Variants in FAM209B observed in about 807,000 individuals in gnomAD.
FAM209B encodes protein FAM209B.
FAM209B carries 8 observed loss-of-function variants against 8.9 expected under a neutral mutation model. The observed-to-expected ratio is 0.90, with a 90% CI of 0.53 to 1.62. The LOEUF is 1.62. FAM209B is among the 40% of genes most tolerant of loss of function. The pLI is 0.00. For synonymous variants in FAM209B, 67 were observed against 75.0 expected, an observed-to-expected ratio of 0.89 and a Z score of 0.55; for missense variants, 175 against 205.3, an observed-to-expected ratio of 0.85 and a Z score of 0.90.
In FAM209B at chr20:56,536,409, A is replaced by C; in HGVS notation, c.487A>C (p.Lys163Gln). The stretch of plus-strand genomic sequence containing the variant: ...AGATCCATACCATGTCACAATCTGT[A>C]AAATATGGGGAGAAGAAAGCTCTAG... ...PADPYHVTIC[K>Q]IWGEESSS is the part of the protein sequence containing the mutation. Residue 163 changes from lysine (K) to glutamine (Q), a missense_variant, in exon 2 of 2, where the codon AAA (lysine) becomes CAA (glutamine). Coordinates refer to ENST00000371325, the MANE Select transcript of FAM209B (RefSeq NM_001013646.4). The C allele has an allele frequency of 6.2e-7, 1 of 1,606,272 alleles. No homozygotes were observed. The highest frequency in any genetic ancestry group is 1.1e-5 in the South Asian group (1 of 89,260).
At chr20:56,534,747 CA>C (rs74181055) in intron 1 of FAM209B, among the ~76,000 whole-genome samples, 1,918 of 32,206 alleles carry the variant, frequency 0.06, 16 homozygotes, top group African/African-American at 0.21. Flanking sequence ...GACTCTGTCT[CA>C]AAAAAAAAAA....
At chr20:56,535,404 C>A (rs1600856362) in intron 1 of FAM209B, among the ~76,000 whole-genome samples, 1 of 151,470 alleles carries the variant, frequency 6.6e-6, no homozygotes, top group East Asian at 2.0e-4. Context: ...CCAGCCTGGC[C>A]AACATGATAA....
chr20:56,534,979 G>A (rs1293322447), intron 1 of FAM209B, among the ~76,000 whole-genome samples: 4 of 151,736 alleles, frequency 2.6e-5, no homozygotes, highest in African/African-American at 9.7e-5. Context: ...AACCCGGGAG[G>A]TGGAGGTTGC....
In FAM209B at chr20:56,536,278, T is replaced by G. The variant is rs768105118; in HGVS notation, c.356T>G (p.Leu119Arg). The G allele has an allele frequency of 1.2e-6, 2 of 1,613,364 alleles. No homozygotes were observed. Among genetic ancestry groups the G allele is most frequent in the South Asian group, 1.1e-5 (1 of 90,900 alleles). ...KDCVFNTLNE[L>R]EVELLKFVSE... ...TGTGTATTCAATACCTTAAACGAACTTGAAGTGGAGCTTTTGAAATTTGTG... is the reference window on the plus strand; with the variant it reads ...TGTGTATTCAATACCTTAAACGAACGTGAAGTGGAGCTTTTGAAATTTGTG... Residue 119 changes from leucine (L) to arginine (R), a missense_variant, in exon 2 of 2, where the codon CTT becomes CGT. Coordinates refer to ENST00000371325, the MANE Select transcript of FAM209B (RefSeq NM_001013646.4).
At chr20:56,535,552 C>T (rs1421970687) in intron 1 of FAM209B, among the ~76,000 whole-genome samples, 6 of 152,168 alleles carry the variant, frequency 3.9e-5, no homozygotes, top group Admixed American at 2.0e-4. Context: ...GATCATGCCA[C>T]TGCACTCCAG....
intron 1 of FAM209B, among the ~76,000 whole-genome samples, chr20:56,534,337 G>A (rs1393792937): frequency 3.9e-5 from 6 of 152,028 alleles, no homozygotes; most frequent in Non-Finnish European, 8.8e-5. Context: ...GGTGTAGGCC[G>A]GGCACAGTGG....
intron 1 of FAM209B, among the ~76,000 whole-genome samples, chr20:56,535,364 G>A (rs1489287105): frequency 1.3e-5 from 2 of 152,232 alleles, no homozygotes; most frequent in East Asian, 3.9e-4. Context: ...AGCCGAGGCG[G>A]GTGGATCACC....
In FAM209B at chr20:56,533,282, T is replaced by G; in HGVS notation, c.-60T>G. The G allele has an allele frequency of 6.3e-7, 1 of 1,594,696 alleles. No individual in the cohort carries two copies. The highest frequency in any genetic ancestry group is 8.6e-7 in the Non-Finnish European group (1 of 1,167,594). ...GGGCCTGGCACCAGGTGCCCAGTCT[T>G]CCAGTTGCGAGGGCAAGCAAACCCG... is the stretch of plus-strand genomic sequence containing the variant. On this transcript the variant is annotated 5_prime_UTR_variant, in exon 1 of 2. Transcript: ENST00000371325.
intron 1 of FAM209B, 51 bp downstream of exon 1, chr20:56,533,641 C>T (rs1209156514): frequency 1.2e-6 from 2 of 1,600,496 alleles, no homozygotes; most frequent in Non-Finnish European, 1.7e-6. Context: ...TCTCAGGAGT[C>T]TCAGGGAAAC....
chr20:56,536,148 G>T, intron 1 of FAM209B, 24 bp from the exon 2 acceptor site: 1 of 1,506,656 alleles, frequency 6.6e-7, no homozygotes, highest in South Asian at 1.4e-5. Flanking sequence ...TGATATTATT[G>T]ACCTTGAATA....
chr20:56,536,322 A>C lies in FAM209B; in HGVS notation c.400A>C (p.Lys134Gln). ...ATTTGTGTCCGAAGTGCAGAATCTT[A>C]AAGGTGCCATGGCAACAGGCAGTGG... ...LKFVSEVQNL[K>Q]GAMATGSGSN... Residue 134 changes from lysine (K) to glutamine (Q), a missense_variant, in exon 2 of 2, where the codon AAA (lysine) becomes CAA (glutamine). Around this residue, in one of 2 missense-constraint regions of FAM209B, gnomAD observed 166 missense variants for 174.5 expected, o/e 0.95. Coordinates refer to ENST00000371325, the MANE Select transcript of FAM209B (RefSeq NM_001013646.4). 1 of 1,614,074 alleles carries C rather than the reference A, an allele frequency of 6.2e-7. No individual in the cohort carries two copies. The highest frequency in any genetic ancestry group is 8.5e-7 in the Non-Finnish European group (1 of 1,179,974).
intron 1 of FAM209B, among the ~76,000 whole-genome samples, chr20:56,534,747 C>CAAA (rs74181055): frequency 0.026 from 840 of 32,230 alleles, 83 homozygotes; most frequent in African/African-American, 0.055. Context: ...GACTCTGTCT[C>CAAA]AAAAAAAAAA....
intron 1 of FAM209B, 68 bp from the exon 2 acceptor site, chr20:56,536,104 T>A: frequency 7.5e-7 from 1 of 1,335,412 alleles, no homozygotes; most frequent in Non-Finnish European, 1.0e-6. Context: ...TGAGCCCAAC[T>A]GTCTTGGAAC....
In FAM209B at chr20:56,533,558, C is replaced by G. The variant is rs1600854174; in HGVS notation, c.217C>G (p.Leu73Val). 12 of 1,614,168 alleles carry G rather than the reference C, an allele frequency of 7.4e-6. No homozygotes were observed. In the East Asian group the frequency reaches 2.5e-4, roughly 33 times the overall value. The change falls in exon 1 of 2, where the codon CTG becomes GTG. Residue 73 changes from leucine to valine, a missense_variant. Coordinates refer to ENST00000371325, the MANE Select transcript of FAM209B (RefSeq NM_001013646.4). ...LLFAVVPFVILQCQRDSEKNK... is the reference protein window; with the variant it reads ...LLFAVVPFVIVQCQRDSEKNK... ...GTTTGCTGTTGTGCCGTTTGTGATACTGCAGTGTCAAAGAGACAGTGAGAA... is the reference window on the plus strand; with the variant it reads ...GTTTGCTGTTGTGCCGTTTGTGATAGTGCAGTGTCAAAGAGACAGTGAGAA...
chr20:56,534,609 G>A (rs957151437), intron 1 of FAM209B, among the ~76,000 whole-genome samples: 3 of 151,314 alleles, frequency 2.0e-5, no homozygotes, highest in African/African-American at 7.3e-5. Context: ...CTAGCTGGGC[G>A]TAGTGGCGGG....
Position 56,536,471 on chromosome 20 carries a change from A to C in FAM209B, c.*33A>C. 1.3e-6 allele frequency: 2 copies of C among 1,540,656 alleles called. No homozygotes were observed. The highest frequency in any genetic ancestry group is 1.7e-6 in the Non-Finnish European group (2 of 1,143,800). ...TGTGTGTCAGGAGAGAAAAAAGTTG[A>C]GTGTTGACAAACTGTATGCAAACTA... On this transcript the variant is annotated 3_prime_UTR_variant, in exon 2 of 2. Coordinates refer to ENST00000371325, the MANE Select transcript of FAM209B (RefSeq NM_001013646.4).
intron 1 of FAM209B, among the ~76,000 whole-genome samples, chr20:56,535,349 TG>T (rs1443320905): frequency 1.3e-5 from 2 of 151,696 alleles, no homozygotes; most frequent in Non-Finnish European, 2.9e-5. Flanking sequence ...CCCAGCAATT[TG>T]GGAAGCCGAG....
At position 56,533,560 on chromosome 20, in the gene FAM209B, G is replaced by C; in HGVS notation, c.219G>C (p.Leu73=). ...LLFAVVPFVI[L]QCQRDSEKNK... ...TTGCTGTTGTGCCGTTTGTGATACT[G>C]CAGTGTCAAAGAGACAGTGAGAAGA... Residue 73 remains leucine, a synonymous_variant, in exon 1 of 2, where the codon CTG becomes CTC. Transcript: ENST00000371325. 5 of 1,614,172 alleles carry C rather than the reference G, an allele frequency of 3.1e-6. No homozygotes were observed. The highest frequency in any genetic ancestry group is 1.3e-5 in the African/African-American group (1 of 75,044).
At chr20:56,534,711 G>A (rs1354049615) in intron 1 of FAM209B, among the ~76,000 whole-genome samples, 1 of 120,064 alleles carries the variant, frequency 8.3e-6, no homozygotes, top group Non-Finnish European at 1.6e-5. Flanking sequence ...TGGAGCCACT[G>A]CACTCCAGCC....
Sources: gnomAD v4.1 joint callset for allele counts (sites outside exome capture counted in the v4.1 genomes callset) on GRCh38, gnomAD v4.1.1 for gene constraint, gnomAD v4.1.1 regional missense constraint, MANE v1.5 for transcripts, NCBI Gene and HGNC (gene_info 2026-07-23, HGNC 2026-07-21) for gene names.